TNFRSF21: variants seen among roughly 807,000 people sequenced by gnomAD.
TNFRSF21 encodes tumor necrosis factor receptor superfamily member 21.
TNFRSF21 carries 19 observed loss-of-function variants against 45.6 expected under a neutral mutation model. The ratio of observed to expected loss-of-function variants is 0.42; its 90% confidence interval spans 0.29 to 0.61. The LOEUF is 0.61. Ranked by LOEUF, TNFRSF21 falls within the 20% of genes least tolerant of loss-of-function variation. The pLI is 0.23. For missense variants in TNFRSF21, 737 were observed against 851.5 expected, an observed-to-expected ratio of 0.87 and a Z score of 1.67; for synonymous variants, 314 against 335.5, an observed-to-expected ratio of 0.94 and a Z score of 0.70.
Position 47,234,763 on chromosome 6 carries a change from A to T in TNFRSF21, c.1645T>A (p.Phe549Ile). Residue 549 changes from phenylalanine (F) to isoleucine (I), a missense_variant, in exon 5 of 6, where the codon TTC becomes ATC. Physicochemically the swap from Phe to Ile is conservative, Grantham distance 21. Coordinates refer to ENST00000296861, the MANE Select transcript of TNFRSF21 (RefSeq NM_014452.5). Reference protein sequence around the residue: ...EPSPQDKNKGFFVDESEPLLR... With the variant: ...EPSPQDKNKGIFVDESEPLLR... Reference sequence around the variant, plus strand: ...AGGGGCTCCGACTCATCCACGAAGAAGCCCTTGTTCTTGTCCTGTGGGGAA... The same window carrying T: ...AGGGGCTCCGACTCATCCACGAAGATGCCCTTGTTCTTGTCCTGTGGGGAA... 6.2e-7 allele frequency: 1 copy of T among 1,609,474 alleles called. No individual in the cohort carries two copies. The highest frequency in any genetic ancestry group is 8.5e-7 in the Non-Finnish European group (1 of 1,178,340).
chr6:47,304,300 A>C (rs1762909420), intron 1 of TNFRSF21, among the ~76,000 whole-genome samples: 1 of 152,192 alleles, frequency 6.6e-6, no homozygotes, highest in South Asian at 2.1e-4. Context: ...AAACCAAAAA[A>C]AAAAAAAAGA....
chr6:47,274,391 G>C (rs143832255), intron 3 of TNFRSF21, among the ~76,000 whole-genome samples: 3,883 of 152,244 alleles, frequency 0.026, 169 homozygotes, highest in African/African-American at 0.088. Flanking sequence ...AATGGGGAAA[G>C]GATTCCCTAT....
At chr6:47,243,014 G>A (rs907569032) in intron 4 of TNFRSF21, among the ~76,000 whole-genome samples, 2 of 152,168 alleles carry the variant, frequency 1.3e-5, no homozygotes, top group Non-Finnish European at 2.9e-5. Flanking sequence ...AAGTAATTTC[G>A]TAGGAAACTC....
chr6:47,300,522 T>C (rs1299412372), intron 1 of TNFRSF21, among the ~76,000 whole-genome samples: 1 of 152,220 alleles, frequency 6.6e-6, no homozygotes, highest in African/African-American at 2.4e-5. Context: ...TTTATTTTTT[T>C]TAATTGCATT....
chr6:47,302,375 C>A (rs1762876447), intron 1 of TNFRSF21, among the ~76,000 whole-genome samples: 1 of 152,198 alleles, frequency 6.6e-6, no homozygotes. Context: ...TCCTCAAGTT[C>A]TCAGGATAAG....
intron 3 of TNFRSF21, among the ~76,000 whole-genome samples, chr6:47,274,498 T>C (rs1218966241): frequency 6.6e-6 from 1 of 152,168 alleles, no homozygotes; most frequent in Non-Finnish European, 1.5e-5. Context: ...TCAACATGGA[T>C]TAAAGATTTA....
chr6:47,255,923 G>T lies in TNFRSF21; in HGVS notation c.1244-2402C>A, dbSNP rs183376511. On this transcript the variant is annotated intron_variant, in intron 3 of 5. Coordinates refer to ENST00000296861, the MANE Select transcript of TNFRSF21 (RefSeq NM_014452.5). ...AAGGAAAAGAGAAGAATAAAGAGGG[G>T]TTTACTGTTCTGATTTCTCAATCAA... Among the ~76,000 whole-genome samples, 556 of 151,976 alleles carry T rather than the reference G, an allele frequency of 3.7e-3. 3 individuals carry two copies. Among genetic ancestry groups the T allele is most frequent in the South Asian group, 0.021 (103 of 4,808 alleles).
Position 47,284,016 on chromosome 6 carries a change from C to A in TNFRSF21, c.1165G>T (p.Val389Leu), listed in dbSNP as rs1349905518. ...GATTTCTTCAGCCCTGCCTTTTCCA[C>A]AATGGCACTGGGATCCTGCCGGGGC... ...KGPRQDPSAI[V>L]EKAGLKKSMT... Residue 389 changes from valine (V) to leucine (L), a missense_variant, in exon 3 of 6, where the codon GTG becomes TTG. By Grantham distance (32) the Val-to-Leu change is conservative. Transcript: ENST00000296861. The A allele has an allele frequency of 2.5e-6, 4 of 1,614,114 alleles. No individual in the cohort carries two copies. In the African/African-American group the frequency reaches 5.3e-5, roughly 22 times the overall value.
At chr6:47,268,680 G>C (rs551049513) in intron 3 of TNFRSF21, among the ~76,000 whole-genome samples, 149 of 152,226 alleles carry the variant, frequency 9.8e-4, no homozygotes, top group African/African-American at 3.4e-3. Flanking sequence ...CTCATAAAAA[G>C]GTAGACACAT....
At position 47,309,634 on chromosome 6, in the gene TNFRSF21, C is replaced by A; in HGVS notation, c.-123G>T. ...GCCGGGAGCCCATCTACCTCCAACA[C>A]CCCATGTGCACTGCTGCGGCCGGGC... On this transcript the variant is annotated 5_prime_UTR_variant, in exon 1 of 6. Coordinates refer to ENST00000296861, the MANE Select transcript of TNFRSF21 (RefSeq NM_014452.5). 6 of 1,312,700 alleles carry A rather than the reference C, an allele frequency of 4.6e-6. No homozygotes were observed. Among genetic ancestry groups the A allele is most frequent in the Non-Finnish European group, 5.9e-6 (6 of 1,022,420 alleles). The allele number at this position is 1,312,700 out of a possible 1,614,324, so 81.3% of individuals were successfully genotyped here. A position where few individuals can be genotyped will look rare whatever the true frequency, so the allele number is the denominator to read the frequency against.
At chr6:47,285,878 C>A in intron 2 of TNFRSF21, 66 bp downstream of exon 2, 1 of 1,536,376 alleles carries the variant, frequency 6.5e-7, no homozygotes, top group Non-Finnish European at 8.8e-7. Context: ...TGGTATAAGC[C>A]CACTCTTGGT....
chr6:47,285,881 C>T, intron 2 of TNFRSF21, 63 bp downstream of exon 2: 1 of 1,549,402 alleles, frequency 6.5e-7, no homozygotes, highest in South Asian at 1.2e-5. Flanking sequence ...TATAAGCCCA[C>T]TCTTGGTACC....
chr6:47,281,376 T>A (rs1258574334), intron 3 of TNFRSF21, among the ~76,000 whole-genome samples: 2 of 150,754 alleles, frequency 1.3e-5, no homozygotes, highest in Non-Finnish European at 1.5e-5. Context: ...ATATAAAATC[T>A]ATATGTGATT....
At chr6:47,273,869 G>T (rs1042964089) in intron 3 of TNFRSF21, among the ~76,000 whole-genome samples, 7 of 152,110 alleles carry the variant, frequency 4.6e-5, no homozygotes, top group Non-Finnish European at 1.0e-4. Flanking sequence ...GCCAAATCAT[G>T]AGTGAACTTC....
chr6:47,285,925 A>T lies in TNFRSF21; in HGVS notation c.748+19T>A. The T allele has an allele frequency of 6.2e-7, 1 of 1,608,794 alleles. No homozygotes were observed. Among genetic ancestry groups the T allele is most frequent in the Non-Finnish European group, 8.5e-7 (1 of 1,176,342 alleles). ...GCTCAAAGCCTTCCTCAAATAAATA[A>T]TTCATGAGGTTAAGTTACCTTTGGG... On this transcript the variant is annotated intron_variant, in intron 2 of 5. Transcript: ENST00000296861.
At chr6:47,299,145 G>A (rs990357881) in intron 1 of TNFRSF21, among the ~76,000 whole-genome samples, 24 of 152,190 alleles carry the variant, frequency 1.6e-4, no homozygotes, top group South Asian at 1.0e-3. Flanking sequence ...CCAACAAAAT[G>A]AAAATATTTT....
rs1018721046 is a variant in TNFRSF21 at position 47,279,181 on chromosome 6, G to A, written c.1243+4757C>T. ...CCCCTCTAAATTTCTAGGCCCACTA[G>A]TTGCTGAGAACAAGACTTCCTACTT... On this transcript the variant is annotated intron_variant, in intron 3 of 5. Transcript: ENST00000296861. Among the ~76,000 whole-genome samples, 3 of 152,150 alleles carry A rather than the reference G, an allele frequency of 2.0e-5. No homozygotes were observed. The East Asian group carries it at 5.8e-4, about 29-fold the overall frequency.
At chr6:47,304,478 T>A (rs1030205368) in intron 1 of TNFRSF21, among the ~76,000 whole-genome samples, 1 of 152,140 alleles carries the variant, frequency 6.6e-6, no homozygotes. Flanking sequence ...TGGTCTACAA[T>A]GAAGAAAGGA....
At chr6:47,287,307 C>CAAA (rs1164380285) in intron 1 of TNFRSF21, among the ~76,000 whole-genome samples, 5 of 20,870 alleles carry the variant, frequency 2.4e-4, no homozygotes, top group Non-Finnish European at 4.5e-4. Context: ...AACTCTTTCT[C>CAAA]AAAAAAAAAA....
Sources: gnomAD v4.1 joint callset for allele counts (sites outside exome capture counted in the v4.1 genomes callset) on GRCh38, gnomAD v4.1.1 for gene constraint, MANE v1.5 for transcripts, NCBI Gene and HGNC (gene_info 2026-07-23, HGNC 2026-07-21) for gene names.